The following SNX29 variants were observed in gnomAD, a reference collection of about 807,000 sequenced individuals.
SNX29 encodes sorting nexin-29.
A neutral mutation model predicts 102.1 loss-of-function variants in SNX29; 78 were observed. The ratio of observed to expected loss-of-function variants is 0.76; its 90% CI spans 0.64 to 0.92. The LOEUF (loss-of-function observed/expected upper bound fraction) is 0.92, where lower values mean the gene tolerates loss of function less well. SNX29 is among the 40% of genes least tolerant of loss of function. The pLI, the probability that SNX29 is intolerant of heterozygous loss-of-function variation, is 0.00. For synonymous variants in SNX29, 580 were observed against 414.5 expected (o/e 1.40, Z -4.85); for missense variants, 1,280 against 1,061.7 (o/e 1.21, Z -2.86).
At chr16:12,153,473 C>A (rs1484916738) in intron 13 of SNX29, among the ~76,000 whole-genome samples, 34 of 144,048 alleles carry the variant, frequency 2.4e-4, no homozygotes, top group African/African-American at 7.2e-4. Flanking sequence ...AAAAAAAAAA[C>A]AAAAAACAAA....
At chr16:12,507,819 G>A (rs1026538655) in intron 19 of SNX29, among the ~76,000 whole-genome samples, 2 of 152,080 alleles carry the variant, frequency 1.3e-5, no homozygotes, top group African/African-American at 2.4e-5. Context: ...TAAACTCAAA[G>A]GTCTTGACAG....
chr16:12,319,593 A>G (rs914028622), intron 15 of SNX29, among the ~76,000 whole-genome samples: 1 of 152,136 alleles, frequency 6.6e-6, no homozygotes, highest in African/African-American at 2.4e-5. Context: ...CAGACTGTTG[A>G]TCTGTGATGT....
At chr16:12,293,734 AT>A (rs2079881683) in intron 15 of SNX29, among the ~76,000 whole-genome samples, 1 of 152,234 alleles carries the variant, frequency 6.6e-6, no homozygotes, top group Non-Finnish European at 1.5e-5. Context: ...GATTAAAAAA[AT>A]AAAGTACAAA....
At chr16:12,002,895 C>A in intron 2 of SNX29, 96 bp from the exon 3 acceptor site, 1 of 1,387,256 alleles carries the variant, frequency 7.2e-7, no homozygotes, top group Non-Finnish European at 1.0e-6. Flanking sequence ...GGTCCCGTGT[C>A]CCCTCCCTGA....
chr16:12,255,318 C>A (rs931069465), intron 14 of SNX29, among the ~76,000 whole-genome samples: 2 of 152,078 alleles, frequency 1.3e-5, no homozygotes, highest in Non-Finnish European at 2.9e-5. Context: ...GCCTCAGCCT[C>A]CCGAGTAGCT....
chr16:12,476,094 G>A (rs942889754), intron 18 of SNX29, among the ~76,000 whole-genome samples: 1 of 151,838 alleles, frequency 6.6e-6, no homozygotes, highest in African/African-American at 2.4e-5. Flanking sequence ...GCCAAGGCAG[G>A]CAGATCATCT....
chr16:12,493,061 C>T (rs1233707399), intron 19 of SNX29, among the ~76,000 whole-genome samples: 2 of 152,120 alleles, frequency 1.3e-5, no homozygotes, highest in East Asian at 1.9e-4. Flanking sequence ...TTTTCCAATT[C>T]TGTGAAGAAA....
At chr16:12,306,106 G>C (rs1567419310) in intron 15 of SNX29, among the ~76,000 whole-genome samples, 1 of 151,686 alleles carries the variant, frequency 6.6e-6, no homozygotes, top group African/African-American at 2.4e-5. Context: ...ATCATATGAG[G>C]GGCCCTCTCC....
At chr16:12,307,738 A>G (rs1034010322) in intron 15 of SNX29, among the ~76,000 whole-genome samples, 1 of 152,226 alleles carries the variant, frequency 6.6e-6, no homozygotes, top group Non-Finnish European at 1.5e-5. Flanking sequence ...CAAGGCCTAG[A>G]TGCCTTTGCT....
intron 10 of SNX29, among the ~76,000 whole-genome samples, chr16:12,070,463 T>C (rs1167292810): frequency 1.3e-5 from 2 of 151,836 alleles, no homozygotes; most frequent in African/African-American, 4.8e-5. Context: ...TTACCGAGAA[T>C]GATGATTTCC....
chr16:12,147,305 C>T (rs1276671303), intron 13 of SNX29, among the ~76,000 whole-genome samples: 4 of 152,112 alleles, frequency 2.6e-5, no homozygotes, highest in South Asian at 2.1e-4. Context: ...TCCAGCCCAT[C>T]GCTTTCCCCC....
chr16:12,566,418 C>G lies in SNX29; in HGVS notation c.2319-2088C>G, dbSNP rs150777141. Among the ~76,000 whole-genome samples the G allele has an allele frequency of 9.7e-4, 46 of 47,250 alleles. 1 individual carries two copies. The highest frequency in any genetic ancestry group is 1.6e-3 in the Non-Finnish European group (38 of 23,076). 31.0% of individuals were successfully genotyped at this position (47,250 alleles called of 152,430 possible). On this transcript the variant is annotated intron_variant, in intron 20 of 20. Coordinates refer to ENST00000566228, the MANE Select transcript of SNX29 (RefSeq NM_032167.5). ...CAGGCACTCTCAGAGCCTGTTACCT[C>G]CAGGGCCTCTCCCCCCAAGCTCTGG...
At chr16:12,231,613 A>G (rs2077773115) in intron 14 of SNX29, among the ~76,000 whole-genome samples, 1 of 152,244 alleles carries the variant, frequency 6.6e-6, no homozygotes, top group Admixed American at 6.5e-5. Flanking sequence ...TTTTGTGTAC[A>G]GAATTTCCCC....
intron 20 of SNX29, among the ~76,000 whole-genome samples, chr16:12,544,030 G>C (rs2077469682): frequency 6.6e-6 from 1 of 152,196 alleles, no homozygotes; most frequent in Admixed American, 6.5e-5. Context: ...AGACCCCGTT[G>C]ACTCATCACA....
At chr16:12,081,538 G>A (rs1384938806) in intron 11 of SNX29, 1 of 152,174 alleles carries the variant, frequency 6.6e-6, no homozygotes, top group Non-Finnish European at 1.5e-5. Context: ...CAGGCGTGGT[G>A]GCAGATGTCT....
chr16:12,364,100 C>T (rs1300283390), intron 16 of SNX29, among the ~76,000 whole-genome samples: 1 of 152,118 alleles, frequency 6.6e-6, no homozygotes, highest in African/African-American at 2.4e-5. Flanking sequence ...TTAAGCAATC[C>T]TCCTGCCTCA....
At chr16:12,437,754 A>G (rs2085602511) in intron 18 of SNX29, among the ~76,000 whole-genome samples, 2 of 152,042 alleles carry the variant, frequency 1.3e-5, no homozygotes, top group African/African-American at 4.8e-5. Flanking sequence ...GCTTCAGGTG[A>G]AATCTCAAAA....
At chr16:12,301,108 TTC>T (rs2080159273) in intron 15 of SNX29, among the ~76,000 whole-genome samples, 1 of 152,162 alleles carries the variant, frequency 6.6e-6, no homozygotes, top group African/African-American at 2.4e-5. Flanking sequence ...CATCCTTGAT[TTC>T]TCTCTTTCCC....
At chr16:12,364,975 C>T (rs568862587) in intron 16 of SNX29, among the ~76,000 whole-genome samples, 57 of 152,178 alleles carry the variant, frequency 3.7e-4, no homozygotes, top group African/African-American at 1.3e-3. Flanking sequence ...CATTTTTTTC[C>T]TTGCACCCTC....
Sources: allele counts gnomAD v4.1 joint callset (sites outside exome capture counted in the v4.1 genomes callset), GRCh38; gene constraint gnomAD v4.1.1; transcripts MANE v1.5; gene names NCBI Gene and HGNC (gene_info 2026-07-23, HGNC 2026-07-21).